B4GALT6: variants seen among roughly 807,000 people sequenced by gnomAD.
The protein encoded by B4GALT6 is beta-1,4-galactosyltransferase 6.
In B4GALT6, 14 loss-of-function variants were observed where a neutral mutation model predicts 46.3. The ratio of observed to expected loss-of-function variants is 0.30; its 90% CI spans 0.20 to 0.47. B4GALT6 has a LOEUF of 0.47. Among genes scored for constraint, B4GALT6 ranks in the 20% least tolerant of loss-of-function variants. The probability of loss-of-function intolerance (pLI) is 0.99; values close to 1 mark genes in which losing one functional copy is unlikely to be tolerated. For missense variants in B4GALT6, 386 were observed against 480.1 expected (o/e 0.80, Z 1.83); for synonymous variants, 168 against 162.0 (o/e 1.04, Z -0.28).
At chr18:31,629,277 C>T (rs560841675) in intron 6 of B4GALT6, among the ~76,000 whole-genome samples, 16 of 151,982 alleles carry the variant, frequency 1.1e-4, no homozygotes, top group African/African-American at 3.6e-4. Flanking sequence ...AACTGCATTC[C>T]GGTGGCTGGG....
chr18:31,654,976 A>G (rs139453534), intron 3 of B4GALT6, among the ~76,000 whole-genome samples: 1 of 152,344 alleles, frequency 6.6e-6, no homozygotes, highest in Non-Finnish European at 1.5e-5. Context: ...TGACCATTGT[A>G]AAGTCTGGCT....
the B4GALT6 span, among the ~76,000 whole-genome samples, chr18:31,704,710 G>C: frequency 1.3e-5 from 2 of 152,076 alleles, no homozygotes; most frequent in Admixed American, 1.3e-4. Context: ...TTAACCAGTT[G>C]GTTTAAGGAT....
intron 2 of B4GALT6, among the ~76,000 whole-genome samples, chr18:31,662,228 G>A (rs937454088): frequency 6.6e-6 from 1 of 152,136 alleles, no homozygotes; most frequent in African/African-American, 2.4e-5. Flanking sequence ...TGAATACAAA[G>A]TTTTAGAGCT....
chr18:31,689,459 G>T (rs1477316433), upstream of B4GALT6, among the ~76,000 whole-genome samples: 1 of 152,074 alleles, frequency 6.6e-6, no homozygotes, highest in African/African-American at 2.4e-5. Flanking sequence ...AATAGAAGAG[G>T]CTGGGCCGGG....
Position 31,624,291 on chromosome 18 carries a change from A to C in B4GALT6, c.*1323T>G, listed in dbSNP as rs2073657812. The C allele has an allele frequency of 6.6e-6, 1 of 152,042 alleles. No individual in the cohort carries two copies. Among genetic ancestry groups the C allele is most frequent in the Admixed American group, 6.6e-5 (1 of 15,264 alleles). 9.4% of individuals were successfully genotyped at this position (152,042 alleles called of 1,614,324 possible). A position where few individuals can be genotyped will look rare whatever the true frequency, so the allele number is the denominator to read the frequency against. ...ATTAAATTATGCTTTTAGATACTAC[A>C]TATAGAAGACATTATAATATCAGCG... is the stretch of plus-strand genomic sequence containing the variant. On this transcript the variant is annotated 3_prime_UTR_variant, in exon 9 of 9. Coordinates refer to ENST00000306851, the MANE Select transcript of B4GALT6 (RefSeq NM_004775.5).
chr18:31,637,177 G>A (rs2073869830), intron 5 of B4GALT6, among the ~76,000 whole-genome samples: 1 of 152,118 alleles, frequency 6.6e-6, no homozygotes, highest in Non-Finnish European at 1.5e-5. Flanking sequence ...AGTAAGTCAA[G>A]GTCATTTCAA....
chr18:31,631,175 T>C (rs756491951), intron 5 of B4GALT6, 29 bp from the exon 6 acceptor site: 1 of 1,553,064 alleles, frequency 6.4e-7, no homozygotes, highest in South Asian at 1.2e-5. Flanking sequence ...GAGAAAAAAA[T>C]AGAAATGTAC....
chr18:31,622,331 G>A lies in B4GALT6; in HGVS notation c.*3283C>T, dbSNP rs962773510. The A allele has an allele frequency of 6.6e-6, 1 of 151,898 alleles. No individual in the cohort carries two copies. The highest frequency in any genetic ancestry group is 1.5e-5 in the Non-Finnish European group (1 of 67,864). 9.4% of individuals were successfully genotyped at this position (151,898 alleles called of 1,614,324 possible). A position where few individuals can be genotyped will look rare whatever the true frequency, so the allele number is the denominator to read the frequency against. ...AAGCAAAAAAAGAAGTGGGATACAA[G>A]AAATTACTAGCATTTATTTCAGTGC... On this transcript the variant is annotated 3_prime_UTR_variant, in exon 9 of 9. Transcript: ENST00000306851.
the B4GALT6 span, among the ~76,000 whole-genome samples, chr18:31,712,821 G>A: frequency 7.2e-4 from 109 of 152,146 alleles, 3 homozygotes; most frequent in East Asian, 0.014. Flanking sequence ...TAAGAATGCC[G>A]CTAAGCAGCG....
At chr18:31,628,877 T>C (rs1315227572) in intron 6 of B4GALT6, among the ~76,000 whole-genome samples, 2 of 152,244 alleles carry the variant, frequency 1.3e-5, no homozygotes, top group African/African-American at 4.8e-5. Context: ...ACAAGTCCAC[T>C]GATATACAAT....
chr18:31,667,101 T>A (rs2074291820), intron 1 of B4GALT6, among the ~76,000 whole-genome samples: 2 of 152,116 alleles, frequency 1.3e-5, no homozygotes, highest in Non-Finnish European at 2.9e-5. Context: ...ATCGCAAAAA[T>A]CCCTAACTTT....
the B4GALT6 span, among the ~76,000 whole-genome samples, chr18:31,699,688 G>A: frequency 3.8e-4 from 55 of 144,502 alleles, no homozygotes; most frequent in East Asian, 9.9e-3. Context: ...GGCTCTCAAA[G>A]TGCTAAAGGA....
chr18:31,657,858 T>C, intron 3 of B4GALT6, 118 bp downstream of exon 3: 1 of 672,728 alleles, frequency 1.5e-6, no homozygotes, highest in Non-Finnish European at 2.5e-6. Context: ...TGCTGCATAA[T>C]ATAAACATTT....
chr18:31,691,276 C>G, the B4GALT6 span, among the ~76,000 whole-genome samples: 7 of 110,156 alleles, frequency 6.4e-5, no homozygotes, highest in Admixed American at 1.9e-4. Context: ...TAGTCTTAAC[C>G]TCTTACATAA....
chr18:31,649,340 C>A (rs752820669), intron 3 of B4GALT6, among the ~76,000 whole-genome samples: 9 of 152,204 alleles, frequency 5.9e-5, no homozygotes, highest in Non-Finnish European at 5.9e-5. Flanking sequence ...CACATCCCCA[C>A]TGCCAAGGGC....
At chr18:31,718,703 GAGA>G in the B4GALT6 span, among the ~76,000 whole-genome samples, 11 of 152,166 alleles carry the variant, frequency 7.2e-5, no homozygotes, top group Admixed American at 2.6e-4. Flanking sequence ...CCACTCCTGA[GAGA>G]AGAAGCCGCT....
intron 2 of B4GALT6, among the ~76,000 whole-genome samples, chr18:31,666,013 T>C (rs1176800883): frequency 2.0e-5 from 3 of 152,260 alleles, no homozygotes; most frequent in South Asian, 2.1e-4. Flanking sequence ...CTGCTTTCTA[T>C]ATTTTGTTTA....
At chr18:31,641,767 A>C (rs2073933434) in intron 4 of B4GALT6, among the ~76,000 whole-genome samples, 1 of 152,312 alleles carries the variant, frequency 6.6e-6, no homozygotes, top group African/African-American at 2.4e-5. Flanking sequence ...GTTTGCTCCT[A>C]CTTTAAAACC....
At chr18:31,683,537 G>A (rs544830242) in intron 1 of B4GALT6, among the ~76,000 whole-genome samples, 14 of 152,248 alleles carry the variant, frequency 9.2e-5, no homozygotes, top group African/African-American at 3.1e-4. Context: ...TGGGGGACGA[G>A]GAATTCGGAT....
Sources: gnomAD v4.1 joint callset for allele counts (sites outside exome capture counted in the v4.1 genomes callset) on GRCh38, gnomAD v4.1.1 for gene constraint, MANE v1.5 for transcripts, NCBI Gene and HGNC (gene_info 2026-07-23, HGNC 2026-07-21) for gene names.